The following FGF5 variants were observed in gnomAD, a reference collection of about 807,000 sequenced individuals.
FGF5 encodes heparin-binding growth factor 5.
Under a neutral mutation model 21.8 loss-of-function variants are expected in FGF5, and 23 were observed. The observed-to-expected ratio is 1.05, with a 90% CI of 0.76 to 1.49. The LOEUF (loss-of-function observed/expected upper bound fraction) is 1.49, where lower values mean the gene tolerates loss of function less well. Ranked by LOEUF, FGF5 falls within the 40% of genes most tolerant of loss-of-function variation. FGF5 has a pLI of 0.00. For synonymous variants in FGF5, 158 were observed against 124.0 expected (o/e 1.27, Z -1.82); for missense variants, 352 against 332.9 (o/e 1.06, Z -0.45).
rs1354578621 is a variant in FGF5 at position 80,288,599 on chromosome 4, T to C, written c.*1927T>C. 3 of 152,276 alleles carry C rather than the reference T, an allele frequency of 2.0e-5. No individual in the cohort carries two copies. The highest frequency in any genetic ancestry group is 4.4e-5 in the Non-Finnish European group (3 of 68,032). The allele number at this position is 152,276 out of a possible 1,614,324, so 9.4% of individuals were successfully genotyped here. On this transcript the variant is annotated 3_prime_UTR_variant, in exon 3 of 3. Transcript: ENST00000312465. ...TTTACACAGCCTAAAGCTAAAAATATTACTCTAGTTTATTCTAATCTATTG... is the reference window on the plus strand; with the variant it reads ...TTTACACAGCCTAAAGCTAAAAATACTACTCTAGTTTATTCTAATCTATTG...
chr4:80,267,990 G>C (rs1720146333), intron 1 of FGF5, among the ~76,000 whole-genome samples: 1 of 152,224 alleles, frequency 6.6e-6, no homozygotes, highest in South Asian at 2.1e-4. Flanking sequence ...TTAGGGGAAA[G>C]TTCCTTATTT....
At chr4:80,274,888 T>C in intron 1 of FGF5, 21 bp from the exon 2 acceptor site, 1 of 1,039,696 alleles carries the variant, frequency 9.6e-7, no homozygotes, top group Non-Finnish European at 1.5e-6. Flanking sequence ...GTGTTTTATT[T>C]TGGGATTTCT....
At chr4:80,268,976 G>C (rs921338604) in intron 1 of FGF5, among the ~76,000 whole-genome samples, 2 of 152,178 alleles carry the variant, frequency 1.3e-5, no homozygotes, top group African/African-American at 4.8e-5. Flanking sequence ...TTGTCTCAAC[G>C]GTCTTTTGAC....
rs942182569 is a variant in FGF5 at position 80,286,631 on chromosome 4, A to G, written c.766A>G (p.Thr256Ala). The change falls in exon 3 of 3, where the codon ACC becomes GCC. Residue 256 changes from threonine (T) to alanine (A), a missense_variant. Transcript: ENST00000312465. ...TCCCCTTTCTGCACCTCGGAAAAATACCAACTCAGTGAAATACAGACTCAA... is the reference window on the plus strand; with the variant it reads ...TCCCCTTTCTGCACCTCGGAAAAATGCCAACTCAGTGAAATACAGACTCAA... ...KIPLSAPRKN[T>A]NSVKYRLKFR... 2 of 1,614,038 alleles carry G rather than the reference A, an allele frequency of 1.2e-6. No homozygotes were observed. Among genetic ancestry groups the G allele is most frequent in the Non-Finnish European group, 8.5e-7 (1 of 1,179,952 alleles).
chr4:80,272,255 G>C (rs933505911), intron 1 of FGF5, among the ~76,000 whole-genome samples: 2 of 152,012 alleles, frequency 1.3e-5, no homozygotes, highest in African/African-American at 4.8e-5. Context: ...TTTTCTTAAG[G>C]TTATAAAATC....
At chr4:80,280,933 G>T (rs1011233443) in intron 2 of FGF5, among the ~76,000 whole-genome samples, 1 of 152,138 alleles carries the variant, frequency 6.6e-6, no homozygotes, top group Non-Finnish European at 1.5e-5. Flanking sequence ...TGCTCTCTGA[G>T]TAATTTGAAG....
chr4:80,269,601 C>G (rs879801784), intron 1 of FGF5, among the ~76,000 whole-genome samples: 1 of 152,022 alleles, frequency 6.6e-6, no homozygotes, highest in Non-Finnish European at 1.5e-5. Context: ...AAAACAGTGC[C>G]GACAAAAAGC....
At position 80,286,997 on chromosome 4, in the gene FGF5, A is replaced by C. The variant is rs1175718771; in HGVS notation, c.*325A>C. 4.8e-6 allele frequency: 1 copy of C among 207,398 alleles called. No homozygotes were observed. The highest frequency in any genetic ancestry group is 9.7e-6 in the Non-Finnish European group (1 of 103,172). The allele number at this position is 207,398 out of a possible 1,614,324, so 12.8% of individuals were successfully genotyped here. ...CGTATTTTTCTGACTTTTACAGATT[A>C]ACCTGAAAGAACATACATGATACAT... On this transcript the variant is annotated 3_prime_UTR_variant, in exon 3 of 3. Coordinates refer to ENST00000312465, the MANE Select transcript of FGF5 (RefSeq NM_004464.4).
intron 2 of FGF5, among the ~76,000 whole-genome samples, chr4:80,280,353 A>C (rs192764211): frequency 4.6e-5 from 7 of 152,356 alleles, no homozygotes; most frequent in Non-Finnish European, 1.0e-4. Flanking sequence ...ATTGCCTTGT[A>C]GATTCAGAAA....
intron 2 of FGF5, among the ~76,000 whole-genome samples, chr4:80,283,287 C>T (rs1720609134): frequency 7.4e-6 from 1 of 135,740 alleles, no homozygotes; most frequent in Non-Finnish European, 1.7e-5. Context: ...CACACTTCTA[C>T]CCTGGGTAAC....
chr4:80,279,853 A>G (rs1467262798), intron 2 of FGF5, among the ~76,000 whole-genome samples: 1 of 152,196 alleles, frequency 6.6e-6, no homozygotes, highest in Non-Finnish European at 1.5e-5. Flanking sequence ...ATCATGTTTG[A>G]AAGGAAAGCT....
intron 2 of FGF5, among the ~76,000 whole-genome samples, chr4:80,284,918 G>A (rs1344572197): frequency 6.6e-6 from 1 of 152,052 alleles, no homozygotes; most frequent in African/African-American, 2.4e-5. Context: ...TATATATAGG[G>A]GACAAAATAT....
chr4:80,279,172 G>C (rs909512930), intron 2 of FGF5, among the ~76,000 whole-genome samples: 1 of 152,090 alleles, frequency 6.6e-6, no homozygotes, highest in Admixed American at 6.5e-5. Flanking sequence ...GATTGCCCCA[G>C]GCTGAATCCT....
chr4:80,286,232 AATT>A (rs1720711544), intron 2 of FGF5, 90 bp from the exon 3 acceptor site: 1 of 876,602 alleles, frequency 1.1e-6, no homozygotes, highest in Non-Finnish European at 1.7e-6. Flanking sequence ...AGATCAACAA[AATT>A]ATTGTTTTTT....
rs549051066 is a variant in FGF5, at chr4:80,267,095, C to T, written c.271C>T (p.Leu91Phe). 4.3e-6 allele frequency: 7 copies of T among 1,614,224 alleles called. No individual in the cohort carries two copies. In the South Asian group the frequency reaches 5.5e-5, roughly 13 times the overall value. Residue 91 changes from leucine (L) to phenylalanine (F), a missense_variant, in exon 1 of 3, where the codon CTC becomes TTC. By Grantham distance (22) the Leu-to-Phe change is conservative (BLOSUM62 0). Transcript: ENST00000312465. ...CCCCTCGGGGCGCCGGACCGGCAGC[C>T]TCTACTGCAGAGTGGGCATCGGTTT... Reference protein sequence around the residue: ...WSPSGRRTGSLYCRVGIGFHL... With the variant: ...WSPSGRRTGSFYCRVGIGFHL...
At position 80,274,897 on chromosome 4, in the gene FGF5, C is replaced by T. The variant is rs1720367609; in HGVS notation, c.356-12C>T. On this transcript the variant is annotated splice_polypyrimidine_tract_variant and intron_variant, in intron 1 of 2. Transcript: ENST00000312465. ...GAGCCTGTGTTTTATTTTGGGATTT[C>T]TGTCATCCTAGGTGTTTTGGAAATA... is the stretch of plus-strand genomic sequence containing the variant. The T allele has an allele frequency of 2.4e-6, 3 of 1,251,394 alleles. No homozygotes were observed. The African/African-American group carries it at 4.5e-5, about 19-fold the overall frequency. The allele number at this position is 1,251,394 out of a possible 1,614,324, so 77.5% of individuals were successfully genotyped here.
chr4:80,272,789 T>G (rs1407214023), intron 1 of FGF5, among the ~76,000 whole-genome samples: 2 of 152,226 alleles, frequency 1.3e-5, no homozygotes, highest in East Asian at 3.9e-4. Flanking sequence ...CCCTTTTGTA[T>G]CCATCATTCC....
At position 80,266,722 on chromosome 4, in the gene FGF5, G is replaced by A; in HGVS notation, c.-103G>A. The A allele has an allele frequency of 3.0e-6, 3 of 993,392 alleles. No individual in the cohort carries two copies. In the African/African-American group the frequency reaches 4.9e-5, roughly 16 times the overall value. The allele number at this position is 993,392 out of a possible 1,614,324, so 61.5% of individuals were successfully genotyped here. A position where few individuals can be genotyped will look rare whatever the true frequency, so the allele number is the denominator to read the frequency against. ...CTCTTCCCCGAGGCTATGTCCACCC[G>A]GTGCGGCGAGGCGGGCAGAGCCAGA... On this transcript the variant is annotated 5_prime_UTR_variant, in exon 1 of 3. Transcript: ENST00000312465.
chr4:80,270,781 A>C (rs1467110829), intron 1 of FGF5, among the ~76,000 whole-genome samples: 1 of 152,248 alleles, frequency 6.6e-6, no homozygotes, highest in African/African-American at 2.4e-5. Context: ...GCGTTTACAT[A>C]AAATATGAAA....
Sources: allele counts gnomAD v4.1 joint callset (sites outside exome capture counted in the v4.1 genomes callset), GRCh38; gene constraint gnomAD v4.1.1; transcripts MANE v1.5; gene names NCBI Gene and HGNC (gene_info 2026-07-23, HGNC 2026-07-21).